Variants in SMARCC1 observed in about 807,000 individuals in gnomAD.
SMARCC1 encodes the protein SWI/SNF complex subunit SMARCC1.
A neutral mutation model predicts 147.4 loss-of-function variants in SMARCC1; 43 were observed. The observed-to-expected ratio is 0.29, with a 90% CI of 0.23 to 0.38. SMARCC1 has a LOEUF of 0.38. Ranked by LOEUF, SMARCC1 falls within the 10% of genes least tolerant of loss-of-function variation. The pLI is 1.00. For missense variants in SMARCC1, 1,119 were observed against 1,381.1 expected (o/e 0.81, Z 3.01); for synonymous variants, 495 against 484.4 (o/e 1.02, Z -0.29).
chr3:47,629,293 G>A (rs887256182), intron 24 of SMARCC1, among the ~76,000 whole-genome samples: 9 of 152,106 alleles, frequency 5.9e-5, no homozygotes, highest in Non-Finnish European at 1.3e-4. Context: ...ATCTGTATGT[G>A]GACCTGATTT....
At chr3:47,734,350 T>G (rs1389759552) in intron 5 of SMARCC1, among the ~76,000 whole-genome samples, 1 of 152,228 alleles carries the variant, frequency 6.6e-6, no homozygotes, top group Non-Finnish European at 1.5e-5. Flanking sequence ...TACCTTACAC[T>G]TTGAGAGAGA....
intron 21 of SMARCC1, among the ~76,000 whole-genome samples, chr3:47,648,962 C>CA (rs2033153198): frequency 6.6e-6 from 1 of 152,108 alleles, no homozygotes; most frequent in African/African-American, 2.4e-5. Flanking sequence ...TAACAAAAGC[C>CA]AATTTCTTCC....
At chr3:47,591,708 A>G (rs2032185266) in intron 26 of SMARCC1, among the ~76,000 whole-genome samples, 1 of 151,198 alleles carries the variant, frequency 6.6e-6, no homozygotes, top group Non-Finnish European at 1.5e-5. Context: ...ACGCCCAGCT[A>G]TTTTTTTTGT....
At chr3:47,777,529 A>C (rs1452190793) in intron 1 of SMARCC1, among the ~76,000 whole-genome samples, 1 of 151,748 alleles carries the variant, frequency 6.6e-6, no homozygotes, top group African/African-American at 2.4e-5. Flanking sequence ...CCCTGTCTCT[A>C]TTTATGTATT....
intron 19 of SMARCC1, among the ~76,000 whole-genome samples, chr3:47,664,117 T>C (rs138457340): frequency 1.9e-3 from 288 of 151,916 alleles, no homozygotes; most frequent in Non-Finnish European, 3.4e-3. Context: ...TTCTGTTGTT[T>C]GAATGTTACA....
intron 27 of SMARCC1, among the ~76,000 whole-genome samples, chr3:47,589,374 C>T (rs1399719434): frequency 6.6e-6 from 1 of 152,182 alleles, no homozygotes; most frequent in Non-Finnish European, 1.5e-5. Flanking sequence ...AAGTACAAAA[C>T]ATGGGTGACC....
chr3:47,631,575 C>T (rs2032891938), intron 24 of SMARCC1, among the ~76,000 whole-genome samples: 1 of 152,208 alleles, frequency 6.6e-6, no homozygotes, highest in Admixed American at 6.5e-5. Flanking sequence ...TTAGTTGAGA[C>T]AATTCACAGC....
chr3:47,749,486 C>A (rs1422735806), intron 2 of SMARCC1, among the ~76,000 whole-genome samples: 1 of 151,432 alleles, frequency 6.6e-6, no homozygotes, highest in East Asian at 1.9e-4. Flanking sequence ...CATAGCGAAA[C>A]CTCATCTATA....
At chr3:47,645,883 G>A (rs1289290026) in intron 21 of SMARCC1, among the ~76,000 whole-genome samples, 1 of 152,194 alleles carries the variant, frequency 6.6e-6, no homozygotes. Context: ...ATATCTATAT[G>A]ATAATAGTAC....
In SMARCC1 at chr3:47,676,767, T is replaced by C; in HGVS notation, c.1587A>G (p.Leu529=). The change falls in exon 17 of 28, where the codon TTA becomes TTG. Residue 529 remains leucine (L), a synonymous_variant. Transcript: ENST00000254480. ...VCAVMRVHAF[L]EQWGLVNYQV... ...GGTAATTAACGAGTCCCCACTGCTC[T>C]AAAAAGGCATGGACCCTAAAGAATA... 6.2e-7 allele frequency: 1 copy of C among 1,613,446 alleles called. No homozygotes were observed. Among genetic ancestry groups the C allele is most frequent in the Non-Finnish European group, 8.5e-7 (1 of 1,179,948 alleles).
chr3:47,667,803 G>A (rs1316736301), intron 19 of SMARCC1, among the ~76,000 whole-genome samples: 1 of 152,186 alleles, frequency 6.6e-6, no homozygotes, highest in Admixed American at 6.5e-5. Flanking sequence ...CGTGAACCCA[G>A]GAGGCAGAGG....
At chr3:47,732,737 T>C (rs1478382943) in intron 5 of SMARCC1, among the ~76,000 whole-genome samples, 1 of 152,208 alleles carries the variant, frequency 6.6e-6, no homozygotes, top group Non-Finnish European at 1.5e-5. Context: ...CCATCTTCTA[T>C]GGGTGTTGTG....
rs2033795891 is a variant in SMARCC1, at chr3:47,691,972, C to A, written c.1225+1269G>T. ...CAAGATCGTGCCACTGTACTCCAGC[C>A]TGGGTAACAGACCGAGGCTCCGTCT... On this transcript the variant is annotated intron_variant, in intron 12 of 27. Transcript: ENST00000254480. Among the ~76,000 whole-genome samples, 3 of 152,150 alleles carry A rather than the reference C, an allele frequency of 2.0e-5. No individual in the cohort carries two copies. The South Asian group carries it at 6.2e-4, about 32-fold the overall frequency.
intron 18 of SMARCC1, among the ~76,000 whole-genome samples, chr3:47,674,552 C>T (rs1396018046): frequency 6.6e-6 from 1 of 152,192 alleles, no homozygotes; most frequent in East Asian, 1.9e-4. Flanking sequence ...CGCCCCCACC[C>T]TCCATGTCTG....
intron 19 of SMARCC1, among the ~76,000 whole-genome samples, chr3:47,664,423 T>A (rs1275518512): frequency 1.3e-5 from 2 of 152,194 alleles, no homozygotes; most frequent in Admixed American, 1.3e-4. Flanking sequence ...AGTAGGCTTC[T>A]TTTTAGTAGA....
Position 47,685,960 on chromosome 3 carries a change from G to A in SMARCC1, c.1385+89C>T, listed in dbSNP as rs1401765925. On this transcript the variant is annotated intron_variant, in intron 14 of 27. Coordinates refer to ENST00000254480, the MANE Select transcript of SMARCC1 (RefSeq NM_003074.4). ...CCAAAGTGATAGTAATTTCTGATAA[G>A]GAACATGGGCAGAAAGGCACAACCT... The A allele has an allele frequency of 5.9e-6, 6 of 1,010,384 alleles. No homozygotes were observed. In the East Asian group the frequency reaches 1.5e-4, roughly 26 times the overall value. The allele number at this position is 1,010,384 out of a possible 1,614,324, so 62.6% of individuals were successfully genotyped here.
Position 47,641,112 on chromosome 3 carries a change from T to G in SMARCC1, c.2321-2332A>C, listed in dbSNP as rs535304584. Among the ~76,000 whole-genome samples, 5 of 152,320 alleles carry G rather than the reference T, an allele frequency of 3.3e-5. No individual in the cohort carries two copies. In the South Asian group the frequency reaches 1.0e-3, roughly 32 times the overall value. ...TGCCAACAGTATTCTCTATATAAAA[T>G]TAAGAGCAAGACAAGAATACAAATA... On this transcript the variant is annotated intron_variant, in intron 21 of 27. Coordinates refer to ENST00000254480, the MANE Select transcript of SMARCC1 (RefSeq NM_003074.4).
chr3:47,735,259 A>G (rs1026079189), intron 5 of SMARCC1, among the ~76,000 whole-genome samples: 1 of 152,168 alleles, frequency 6.6e-6, no homozygotes, highest in African/African-American at 2.4e-5. Flanking sequence ...CACACTTTAC[A>G]ATAAGACTAA....
chr3:47,661,270 C>A, intron 21 of SMARCC1, 24 bp downstream of exon 21: 1 of 1,586,948 alleles, frequency 6.3e-7, no homozygotes, highest in South Asian at 1.2e-5. Flanking sequence ...TTAACCCTGT[C>A]CCTTAAAAGC....
Sources: allele counts gnomAD v4.1 joint callset (sites outside exome capture counted in the v4.1 genomes callset), GRCh38; gene constraint gnomAD v4.1.1; transcripts MANE v1.5; gene names NCBI Gene and HGNC (gene_info 2026-07-23, HGNC 2026-07-21).